The following CSNK2A1 variants were observed in gnomAD, a reference collection of about 807,000 sequenced individuals.
CSNK2A1 encodes casein kinase II subunit alpha.
CSNK2A1 carries 10 observed loss-of-function variants against 62.9 expected under a neutral mutation model. The ratio of observed to expected loss-of-function variants is 0.16; its 90% CI spans 0.10 to 0.27. The LOEUF (loss-of-function observed/expected upper bound fraction) is 0.27. CSNK2A1 is among the 10% of genes least tolerant of loss of function. The pLI is 1.00. For synonymous variants in CSNK2A1, 124 were observed against 167.8 expected (o/e 0.74, Z 2.02); for missense variants, 160 against 492.0 (o/e 0.33, Z 6.38).
rs1039697375 is a variant in CSNK2A1, at chr20:475,001, T to A, written c.*8960A>T. ...AAGTGCCCCAAACGTAAATGGAGAG[T>A]TTAACAAATAATTATAGAGCAAATA... On this transcript the variant is annotated 3_prime_UTR_variant, in exon 14 of 14. Coordinates refer to ENST00000217244, the MANE Select transcript of CSNK2A1 (RefSeq NM_177559.3). The A allele has an allele frequency of 3.3e-5, 5 of 151,988 alleles. No homozygotes were observed. The highest frequency in any genetic ancestry group is 1.2e-4 in the African/African-American group (5 of 41,360). 9.4% of individuals were successfully genotyped at this position (151,988 alleles called of 1,614,324 possible).
intron 1 of CSNK2A1, among the ~76,000 whole-genome samples, chr20:535,034 CAAAAAAAAAAA>C (rs11469217): frequency 1.8e-4 from 9 of 50,798 alleles, no homozygotes; most frequent in South Asian, 1.2e-3. Context: ...TGCTATCTCC[CAAAAAAAAAAA>C]AAAAAAAAAA....
At chr20:515,570 C>T (rs566731589) in intron 2 of CSNK2A1, among the ~76,000 whole-genome samples, 1 of 152,234 alleles carries the variant, frequency 6.6e-6, no homozygotes, top group South Asian at 2.1e-4. Flanking sequence ...AGTTGGCCTC[C>T]AAGGTTCAAG....
chr20:491,176 C>T (rs2018228038), intron 9 of CSNK2A1, among the ~76,000 whole-genome samples: 1 of 152,060 alleles, frequency 6.6e-6, no homozygotes, highest in African/African-American at 2.4e-5. Context: ...CCTGGAAAGA[C>T]TGGGCATAAA....
rs1454398649 is a variant in CSNK2A1, at chr20:499,229, C to A, written c.366+26G>T. ...CTATGTGGTCTAAAAACCCACTAGCCCGAAACAGTTGGTTATATATTATAC... is the reference window on the plus strand; with the variant it reads ...CTATGTGGTCTAAAAACCCACTAGCACGAAACAGTTGGTTATATATTATAC... On this transcript the variant is annotated intron_variant, in intron 6 of 13. Coordinates refer to ENST00000217244, the MANE Select transcript of CSNK2A1 (RefSeq NM_177559.3). This position sits in a 1 kb window ranked among gnomAD's most constrained non-coding sequence, Gnocchi z 4.2. 1.3e-6 allele frequency: 2 copies of A among 1,573,098 alleles called. No homozygotes were observed. Among genetic ancestry groups the A allele is most frequent in the Non-Finnish European group, 1.7e-6 (2 of 1,158,586 alleles).
intron 3 of CSNK2A1, among the ~76,000 whole-genome samples, chr20:505,438 C>G (rs569138213): frequency 3.5e-5 from 5 of 142,242 alleles, no homozygotes; most frequent in African/African-American, 1.3e-4. Flanking sequence ...CTGCTGACTG[C>G]CAGCTCCACC....
At chr20:485,217 A>T (rs1254724735) in intron 13 of CSNK2A1, among the ~76,000 whole-genome samples, 4 of 139,496 alleles carry the variant, frequency 2.9e-5, no homozygotes, top group Admixed American at 7.5e-5. Context: ...ACAGAGTCTC[A>T]CTCTCACCCA....
intron 13 of CSNK2A1, among the ~76,000 whole-genome samples, chr20:485,066 CAAAAAAAAAAAAAAAAAAAAAAAAAAAAA>C (rs1157352244): frequency 4.5e-4 from 10 of 22,028 alleles, no homozygotes; most frequent in Admixed American, 8.6e-4. Flanking sequence ...ACCTTGTCTC[CAAAAAAAAAAAAAAAAAAAAAAAAAAAAA>C]AAAAAAAAAA....
chr20:499,492 T>G lies in CSNK2A1; in HGVS notation c.316-187A>C, dbSNP rs1348766014. The G allele has an allele frequency of 1.2e-5, 7 of 561,338 alleles. No individual in the cohort carries two copies. In the Admixed American group the frequency reaches 2.1e-4, roughly 16 times the overall value. 34.8% of individuals were successfully genotyped at this position (561,338 alleles called of 1,614,324 possible). ...GCACTTAGGTCATTTTTGGGATGGA[T>G]TTCAAACAGAAGACATGGAGCTGAA... On this transcript the variant is annotated intron_variant, in intron 5 of 13. Coordinates refer to ENST00000217244, the MANE Select transcript of CSNK2A1 (RefSeq NM_177559.3). This position sits in a 1 kb window ranked among gnomAD's most constrained non-coding sequence, Gnocchi z 4.2.
intron 7 of CSNK2A1, chr20:496,694 C>T (rs912488820): frequency 5.9e-5 from 9 of 152,144 alleles, no homozygotes; most frequent in Non-Finnish European, 1.2e-4. Context: ...TTCTAAGGCT[C>T]CAACAGCAGG....
chr20:509,377 GA>G (rs1479623902), intron 2 of CSNK2A1, among the ~76,000 whole-genome samples: 1 of 152,180 alleles, frequency 6.6e-6, no homozygotes, highest in Admixed American at 6.5e-5. Flanking sequence ...GACACCGGGG[GA>G]AAATAAGTAA....
intron 2 of CSNK2A1, among the ~76,000 whole-genome samples, chr20:515,012 A>G (rs895206381): frequency 2.0e-5 from 3 of 152,222 alleles, no homozygotes; most frequent in African/African-American, 7.2e-5. Context: ...CCTATGGACT[A>G]AGGGTAACAG....
chr20:481,670 G>A lies in CSNK2A1; in HGVS notation c.*2291C>T, dbSNP rs2017958558. The stretch of plus-strand genomic sequence containing the variant: ...CTGATGGGTGTAAGGAGGTCCAGCT[G>A]TCTGCAGCTCTCCGCATCAGCCTAA... On this transcript the variant is annotated 3_prime_UTR_variant, in exon 14 of 14. Coordinates refer to ENST00000217244, the MANE Select transcript of CSNK2A1 (RefSeq NM_177559.3). The A allele has an allele frequency of 6.6e-6, 1 of 152,110 alleles. No individual in the cohort carries two copies. The highest frequency in any genetic ancestry group is 1.5e-5 in the Non-Finnish European group (1 of 68,036). 9.4% of individuals were successfully genotyped at this position (152,110 alleles called of 1,614,324 possible). A position where few individuals can be genotyped will look rare whatever the true frequency, so the allele number is the denominator to read the frequency against.
chr20:508,420 T>C (rs763900419), intron 3 of CSNK2A1, 31 bp downstream of exon 3: 1 of 1,609,670 alleles, frequency 6.2e-7, no homozygotes, highest in South Asian at 1.1e-5. Context: ...GCCCTTTGAG[T>C]GAGTATAATG....
At chr20:501,067 G>GC (rs953435584) in intron 4 of CSNK2A1, 3 of 146,886 alleles carry the variant, frequency 2.0e-5, no homozygotes, top group Non-Finnish European at 3.0e-5. Context: ...CCTTTATAAA[G>GC]CCTTTTTTTT....
rs2017946227 is a variant in CSNK2A1 at position 481,030 on chromosome 20, AT to A, written c.*2930del. 1 of 152,246 alleles carries A rather than the reference AT, an allele frequency of 6.6e-6. No individual in the cohort carries two copies. Among genetic ancestry groups the A allele is most frequent in the Non-Finnish European group, 1.5e-5 (1 of 68,042 alleles). 9.4% of individuals were successfully genotyped at this position (152,246 alleles called of 1,614,324 possible). On this transcript the variant is annotated 3_prime_UTR_variant, in exon 14 of 14. Transcript: ENST00000217244. ...AGGCATTTCAAGTACAAGAAACAGA[AT>A]TCAAAACGTGAAAACGGAGCCATCT...
At chr20:485,127 T>C (rs989978736) in intron 13 of CSNK2A1, among the ~76,000 whole-genome samples, 2 of 90,256 alleles carry the variant, frequency 2.2e-5, no homozygotes, top group African/African-American at 8.6e-5. Context: ...TATATATATA[T>C]ATATATATAT....
intron 8 of CSNK2A1, among the ~76,000 whole-genome samples, chr20:492,987 A>G (rs1267643662): frequency 1.3e-5 from 2 of 152,208 alleles, no homozygotes; most frequent in African/African-American, 4.8e-5. Flanking sequence ...TTATCTGCCC[A>G]CTGTGCATAG....
At chr20:525,650 CAAAAAAAAA>C (rs59103809) in intron 2 of CSNK2A1, among the ~76,000 whole-genome samples, 19 of 61,022 alleles carry the variant, frequency 3.1e-4, no homozygotes, top group African/African-American at 9.3e-4. Context: ...GACTCCATCT[CAAAAAAAAA>C]AAAAAAAAGA....
chr20:516,920 T>C lies in CSNK2A1; in HGVS notation c.-109-8260A>G, dbSNP rs1600399034. Among the ~76,000 whole-genome samples, 3 of 152,312 alleles carry C rather than the reference T, an allele frequency of 2.0e-5. No individual in the cohort carries two copies. The South Asian group carries it at 6.2e-4, about 32-fold the overall frequency. ...GCAAATGAACAAGATCTCATCATCATCCCGACAGGACAAAGATTTCTATAG... is the reference window on the plus strand; with the variant it reads ...GCAAATGAACAAGATCTCATCATCACCCCGACAGGACAAAGATTTCTATAG... On this transcript the variant is annotated intron_variant, in intron 2 of 13. Transcript: ENST00000217244.
Sources: allele counts gnomAD v4.1 joint callset (sites outside exome capture counted in the v4.1 genomes callset), GRCh38; gene constraint gnomAD v4.1.1; non-coding constraint Gnocchi (gnomAD v3.1); transcripts MANE v1.5; gene names NCBI Gene and HGNC (gene_info 2026-07-23, HGNC 2026-07-21).